Variants in RWDD4 observed in about 807,000 individuals in gnomAD.
RWDD4 encodes the protein RWD domain containing 4.
A neutral mutation model predicts 30.0 loss-of-function variants in RWDD4; 16 were observed. That is an observed-to-expected ratio of 0.53 (90% CI 0.36 to 0.81). The LOEUF (loss-of-function observed/expected upper bound fraction) is 0.81, where lower values mean the gene tolerates loss of function less well. RWDD4 is among the 30% of genes least tolerant of loss of function. The pLI, the probability that RWDD4 is intolerant of heterozygous loss-of-function variation, is 0.00. For missense variants in RWDD4, 170 were observed against 223.9 expected (o/e 0.76, Z 1.54); for synonymous variants, 45 against 72.1 (o/e 0.62, Z 1.90).
intron 7 of RWDD4, among the ~76,000 whole-genome samples, chr4:183,641,794 A>G (rs1733861441): frequency 6.6e-6 from 1 of 152,252 alleles, no homozygotes; most frequent in African/African-American, 2.4e-5. Context: ...ACACTCTTCA[A>G]AAGTTCTTGT....
At chr4:183,646,240 T>C in intron 7 of RWDD4, 111 bp downstream of exon 7, 2 of 698,104 alleles carry the variant, frequency 2.9e-6, no homozygotes, top group South Asian at 3.4e-5. Flanking sequence ...ATAGTCATAC[T>C]ATATTGTAGT....
At chr4:183,649,014 C>T (rs1256347987) in intron 5 of RWDD4, among the ~76,000 whole-genome samples, 1 of 151,914 alleles carries the variant, frequency 6.6e-6, no homozygotes, top group Non-Finnish European at 1.5e-5. Context: ...AGGTCAGTGA[C>T]CCAAAAGTTC....
At chr4:183,655,090 A>C (rs112013464) in intron 2 of RWDD4, among the ~76,000 whole-genome samples, 3,572 of 150,358 alleles carry the variant, frequency 0.024, 141 homozygotes, top group African/African-American at 0.083. Flanking sequence ...ACAGGCATGC[A>C]CCATCATGCG....
chr4:183,656,801 G>A (rs1023944011), intron 1 of RWDD4, among the ~76,000 whole-genome samples: 3 of 152,070 alleles, frequency 2.0e-5, no homozygotes, highest in African/African-American at 4.8e-5. Context: ...CGAGGCGGGC[G>A]GATCACCTGA....
At position 183,659,162 on chromosome 4, in the gene RWDD4, C is replaced by T; in HGVS notation, c.-210G>A. ...TGGGCTGTGGGCTACGAGCCGGAGCCGCGGCTGGTGGGGCCTGGGAAGTGC... is the reference window on the plus strand; with the variant it reads ...TGGGCTGTGGGCTACGAGCCGGAGCTGCGGCTGGTGGGGCCTGGGAAGTGC... On this transcript the variant is annotated 5_prime_UTR_variant, in exon 1 of 8. Transcript: ENST00000326397. 2.5e-6 allele frequency: 1 copy of T among 402,802 alleles called. No individual in the cohort carries two copies. The highest frequency in any genetic ancestry group is 4.3e-6 in the Non-Finnish European group (1 of 231,524). The allele number at this position is 402,802 out of a possible 1,614,324, so 25.0% of individuals were successfully genotyped here.
In RWDD4 at chr4:183,641,451, A is replaced by C. The variant is rs1733854694; in HGVS notation, c.552T>G (p.Ser184=). The C allele has an allele frequency of 6.2e-7, 1 of 1,608,668 alleles. No individual in the cohort carries two copies. Among genetic ancestry groups the C allele is most frequent in the African/African-American group, 1.3e-5 (1 of 74,736 alleles). ...ATTCCAAGTGCTACTCATCATCCTT[A>C]GAGCCAGTTTTGCTTAACTATAAAA... The part of the protein sequence containing the change: ...DVVKHLSKTG[S]KDDE The change falls in exon 8 of 8, where the codon TCT becomes TCG. Residue 184 remains serine, a synonymous_variant. Transcript: ENST00000326397.
chr4:183,656,943 T>A (rs1212904125), intron 1 of RWDD4, among the ~76,000 whole-genome samples: 1 of 152,184 alleles, frequency 6.6e-6, no homozygotes, highest in African/African-American at 2.4e-5. Context: ...AGAGAATCGC[T>A]TGAACCCAGG....
chr4:183,643,116 A>G (rs1467112203), intron 7 of RWDD4, among the ~76,000 whole-genome samples: 1 of 67,382 alleles, frequency 1.5e-5, no homozygotes, highest in East Asian at 4.1e-4. Context: ...AATAAAAATT[A>G]AAAAAAAAAA....
In RWDD4 at chr4:183,651,048, A is replaced by G; in HGVS notation, c.299T>C (p.Leu100Ser). 1 of 1,613,640 alleles carries G rather than the reference A, an allele frequency of 6.2e-7. No individual in the cohort carries two copies. Among genetic ancestry groups the G allele is most frequent in the Non-Finnish European group, 8.5e-7 (1 of 1,179,970 alleles). ...ANLGTAMTYT[L>S]FEYAKDNKEQ... is the part of the protein sequence containing the mutation. ...TTTATTGTCTTTGGCATATTCAAAC[A>G]ATGTATAGGTCATAGCGGTTCCAAG... is the stretch of plus-strand genomic sequence containing the variant. The change falls in exon 4 of 8, where the codon TTG (leucine) becomes TCG (serine). Residue 100 changes from leucine to serine, a missense_variant. Physicochemically the swap from Leu to Ser is moderately radical, Grantham distance 145. Transcript: ENST00000326397.
intron 5 of RWDD4, among the ~76,000 whole-genome samples, chr4:183,646,835 A>G (rs1402647292): frequency 6.6e-6 from 1 of 152,252 alleles, no homozygotes; most frequent in Non-Finnish European, 1.5e-5. Context: ...TAATCCATTT[A>G]TTAGTTTCAT....
Position 183,649,580 on chromosome 4 carries a change from A to G in RWDD4, c.364-12T>C. On this transcript the variant is annotated splice_polypyrimidine_tract_variant and intron_variant, in intron 4 of 7. Transcript: ENST00000326397. ...TTGCTTATCGATGTCTAAAAAAAAA[A>G]AGAAATAATTCTCAGCCTCATACCT... 7.2e-7 allele frequency: 1 copy of G among 1,396,118 alleles called. No homozygotes were observed. The highest frequency in any genetic ancestry group is 1.0e-6 in the Non-Finnish European group (1 of 993,434). 86.5% of individuals were successfully genotyped at this position (1,396,118 alleles called of 1,614,324 possible).
intron 2 of RWDD4, among the ~76,000 whole-genome samples, chr4:183,652,803 C>T (rs1734110229): frequency 7.1e-6 from 1 of 141,160 alleles, no homozygotes; most frequent in Non-Finnish European, 1.5e-5. Flanking sequence ...AGCAAGACTC[C>T]ATCTCAAAAA....
chr4:183,642,053 A>C (rs1733865473), intron 7 of RWDD4, among the ~76,000 whole-genome samples: 2 of 152,148 alleles, frequency 1.3e-5, no homozygotes, highest in South Asian at 4.1e-4. Context: ...TACTGCTCCA[A>C]CTACTGAGAA....
chr4:183,658,657 C>T (rs66668845), intron 1 of RWDD4, among the ~76,000 whole-genome samples: 24,022 of 152,268 alleles, frequency 0.16, 2,043 homozygotes, highest in African/African-American at 0.2. Flanking sequence ...AGCACTGGAT[C>T]GTGCACCAAG....
rs541794237 is a variant in RWDD4, at chr4:183,655,913, G to A, written c.73C>T (p.Arg25Trp). The change falls in exon 2 of 8, where the codon CGG becomes TGG. Residue 25 changes from arginine (R) to tryptophan (W), a missense_variant. Coordinates refer to ENST00000326397, the MANE Select transcript of RWDD4 (RefSeq NM_152682.4). ...TGAAAAGAAACTGGACTTAATTCCC[G>A]GAAACTTTCATCTCCTTCATAAATA... The part of the protein sequence containing the change: ...RSIYEGDESF[R>W]ELSPVSFQYR... 7 of 1,611,098 alleles carry A rather than the reference G, an allele frequency of 4.3e-6. No homozygotes were observed. Among genetic ancestry groups the A allele is most frequent in the Middle Eastern group, 1.8e-4 (1 of 5,614 alleles).
At chr4:183,658,407 C>T (rs933779905) in intron 1 of RWDD4, among the ~76,000 whole-genome samples, 8 of 152,104 alleles carry the variant, frequency 5.3e-5, no homozygotes, top group Non-Finnish European at 8.8e-5. Flanking sequence ...TGAGCATAAA[C>T]CATAAATTCA....
rs1734183224 is a variant in RWDD4 at position 183,655,881 on chromosome 4, C to T, written c.105G>A (p.Arg35=). The T allele has an allele frequency of 6.3e-7, 1 of 1,593,740 alleles. No individual in the cohort carries two copies. The highest frequency in any genetic ancestry group is 8.6e-7 in the Non-Finnish European group (1 of 1,163,690). ...TGCTCTTATTCATGCCATGTCTTAC[C>T]CTATATTGAAAAGAAACTGGACTTA... ...RELSPVSFQY[R]IGENGDPKAF... Residue 35 remains arginine (R), a splice_region_variant and synonymous_variant, in exon 2 of 8, where the codon AGG becomes AGA. Transcript: ENST00000326397.
chr4:183,655,834 T>C (rs1469302950), intron 2 of RWDD4, 47 bp downstream of exon 2: 5 of 1,117,340 alleles, frequency 4.5e-6, no homozygotes, highest in Admixed American at 2.1e-5. Context: ...CCACTTTCAG[T>C]CTTTTCTAGA....
At chr4:183,656,172 A>C (rs867386412) in intron 1 of RWDD4, 8 of 450,020 alleles carry the variant, frequency 1.8e-5, no homozygotes, top group South Asian at 3.7e-5. Context: ...GGGACTACTA[A>C]GCACTGTACA....
Sources: allele counts gnomAD v4.1 joint callset (sites outside exome capture counted in the v4.1 genomes callset), GRCh38; gene constraint gnomAD v4.1.1; transcripts MANE v1.5; gene names NCBI Gene and HGNC (gene_info 2026-07-23, HGNC 2026-07-21).